Variants in STK17A observed in about 807,000 individuals in gnomAD.
STK17A encodes the protein serine/threonine-protein kinase 17A.
In STK17A, 26 loss-of-function variants were observed where a neutral mutation model predicts 43.7. The observed-to-expected ratio is 0.60, with a 90% CI of 0.44 to 0.83. The LOEUF is 0.83. STK17A is among the 40% of genes least tolerant of loss of function. The probability of loss-of-function intolerance (pLI) is 0.00; values close to 1 mark genes in which losing one functional copy is unlikely to be tolerated. For missense variants in STK17A, 476 were observed against 511.6 expected, an observed-to-expected ratio of 0.93 and a Z score of 0.67; for synonymous variants, 191 against 182.5, an observed-to-expected ratio of 1.05 and a Z score of -0.38.
intron 4 of STK17A, among the ~76,000 whole-genome samples, 176 bp downstream of exon 4, chr7:43,619,899 C>A (rs2083703383): frequency 6.6e-6 from 1 of 152,144 alleles, no homozygotes; most frequent in Admixed American, 6.5e-5. Context: ...GAGTAAGATA[C>A]CAAATTGGTG....
intron 2 of STK17A, among the ~76,000 whole-genome samples, chr7:43,606,313 A>T (rs2082588106): frequency 6.6e-6 from 1 of 152,190 alleles, no homozygotes; most frequent in African/African-American, 2.4e-5. Flanking sequence ...GCTACTTTAG[A>T]TAGAAAAAAC....
At chr7:43,615,157 A>G (rs187029179) in intron 3 of STK17A, among the ~76,000 whole-genome samples, 1 of 152,172 alleles carries the variant, frequency 6.6e-6, no homozygotes. Context: ...TGTGGTTACT[A>G]TAGTTTTTGT....
rs2084643876 is a variant in STK17A at position 43,627,138 on chromosome 7, A to G, written c.*2296A>G. 6.6e-6 allele frequency among the ~76,000 whole-genome samples: 1 copy of G among 152,228 alleles called. No homozygotes were observed. The stretch of plus-strand genomic sequence containing the variant: ...AATCCAGTTTTAACTATAATTCAAC[A>G]ATATTTTGGTGTGGTGAAACGTTGT... On this transcript the variant is annotated 3_prime_UTR_variant, in exon 7 of 7. Transcript: ENST00000319357.
chr7:43,583,468 C>A lies in STK17A; in HGVS notation c.206+19C>A. ...TGGGCAGGTGAGGACGGGCGGGGCC[C>A]GGCGCGGAACCTTCCCGGACGCGCG... On this transcript the variant is annotated intron_variant, in intron 1 of 6. Transcript: ENST00000319357. The A allele has an allele frequency of 7.8e-7, 1 of 1,282,414 alleles. No individual in the cohort carries two copies. The highest frequency in any genetic ancestry group is 9.8e-7 in the Non-Finnish European group (1 of 1,015,634). The allele number at this position is 1,282,414 out of a possible 1,614,324, so 79.4% of individuals were successfully genotyped here.
At chr7:43,587,300 G>A (rs1196842493) in intron 1 of STK17A, among the ~76,000 whole-genome samples, 9 of 150,576 alleles carry the variant, frequency 6.0e-5, no homozygotes, top group African/African-American at 1.9e-4. Context: ...GACTATAGGC[G>A]CCTGCCACCA....
chr7:43,623,799 G>A lies in STK17A; in HGVS notation c.831G>A (p.Gln277=), dbSNP rs747531818. ...DKQETFLNIS[Q]MNLSYSEEEF... is the part of the protein sequence containing the mutation. ...AAGAAACATTCTTAAACATCTCACA[G>A]ATGAATTTAAGTTATTCTGAGGAAG... Residue 277 remains glutamine, a synonymous_variant, in exon 6 of 7, where the codon CAG becomes CAA. Coordinates refer to ENST00000319357, the MANE Select transcript of STK17A (RefSeq NM_004760.3). 5 of 1,608,054 alleles carry A rather than the reference G, an allele frequency of 3.1e-6. No individual in the cohort carries two copies. In the Admixed American group the frequency reaches 6.8e-5, roughly 22 times the overall value.
At chr7:43,584,960 G>T (rs1487481267) in intron 1 of STK17A, among the ~76,000 whole-genome samples, 4 of 152,226 alleles carry the variant, frequency 2.6e-5, no homozygotes, top group African/African-American at 9.6e-5. Flanking sequence ...CCTTTGGGAG[G>T]CTGAGGCGGG....
At chr7:43,593,202 A>C (rs1027913938) in intron 1 of STK17A, among the ~76,000 whole-genome samples, 8 of 152,214 alleles carry the variant, frequency 5.3e-5, no homozygotes, top group Non-Finnish European at 7.3e-5. Flanking sequence ...GGATAATGAC[A>C]TCCAGTTCCA....
chr7:43,591,621 G>A (rs551259454), intron 1 of STK17A, among the ~76,000 whole-genome samples: 1 of 151,558 alleles, frequency 6.6e-6, no homozygotes, highest in Non-Finnish European at 1.5e-5. Flanking sequence ...AAGGAGAGCC[G>A]TGGGAACTGC....
intron 1 of STK17A, among the ~76,000 whole-genome samples, chr7:43,587,158 T>TG (rs1193130445): frequency 1.4e-5 from 2 of 141,598 alleles, no homozygotes; most frequent in East Asian, 2.0e-4. Flanking sequence ...TTTTTTGTTT[T>TG]TTTTTTTTTT....
chr7:43,610,794 T>C (rs908591195), intron 3 of STK17A, among the ~76,000 whole-genome samples: 1 of 152,032 alleles, frequency 6.6e-6, no homozygotes, highest in African/African-American at 2.4e-5. Flanking sequence ...AACTGCTTAA[T>C]TTTTATTGCA....
In STK17A at chr7:43,588,819, G is replaced by A. The variant is rs1442608142; in HGVS notation, c.206+5370G>A. Among the ~76,000 whole-genome samples, 2 of 151,254 alleles carry A rather than the reference G, an allele frequency of 1.3e-5. 1 individual carries two copies. Among genetic ancestry groups the A allele is most frequent in the Non-Finnish European group, 3.0e-5 (2 of 67,518 alleles). ...TGTACTCCAGCCTAGGTGACAGAGT[G>A]GGACTGTGTCTCAAAAAAAGAAAAA... On this transcript the variant is annotated intron_variant, in intron 1 of 6. Coordinates refer to ENST00000319357, the MANE Select transcript of STK17A (RefSeq NM_004760.3).
intron 3 of STK17A, among the ~76,000 whole-genome samples, chr7:43,611,272 G>A (rs1278379323): frequency 1.3e-5 from 2 of 152,152 alleles, no homozygotes; most frequent in Non-Finnish European, 2.9e-5. Flanking sequence ...GAAAAATACA[G>A]GGAAAAGAAA....
At position 43,624,827 on chromosome 7, in the gene STK17A, A is replaced by G; in HGVS notation, c.1230A>G (p.Gly410=). 1 of 1,602,102 alleles carries G rather than the reference A, an allele frequency of 6.2e-7. No individual in the cohort carries two copies. Among genetic ancestry groups the G allele is most frequent in the Non-Finnish European group, 8.5e-7 (1 of 1,173,994 alleles). ...AACCTTTGCTACAAGAAATTCCAGG[A>G]GAATTTATCTACTGAGCAATATTTC... is the stretch of plus-strand genomic sequence containing the variant. The part of the protein sequence containing the change: ...FEEPLLQEIP[G]EFIY Residue 410 remains glycine (G), a synonymous_variant, in exon 7 of 7, where the codon GGA becomes GGG. Transcript: ENST00000319357.
chr7:43,602,189 TAA>T (rs1453920403), intron 2 of STK17A, among the ~76,000 whole-genome samples: 4 of 152,202 alleles, frequency 2.6e-5, no homozygotes, highest in Non-Finnish European at 5.9e-5. Flanking sequence ...TGTTTTTTCC[TAA>T]GTTATGTAAC....
chr7:43,585,347 C>T (rs972651546), intron 1 of STK17A, among the ~76,000 whole-genome samples: 1 of 142,746 alleles, frequency 7.0e-6, no homozygotes, highest in African/African-American at 2.5e-5. Flanking sequence ...ATTTGCACCC[C>T]ACCAGGTGTT....
rs528453056 is a variant in STK17A at position 43,610,467 on chromosome 7, A to G, written c.564+2067A>G. 4.0e-5 allele frequency among the ~76,000 whole-genome samples: 6 copies of G among 151,894 alleles called. No homozygotes were observed. The South Asian group carries it at 1.2e-3, about 32-fold the overall frequency. On this transcript the variant is annotated intron_variant, in intron 3 of 6. Transcript: ENST00000319357. ...GATCACTTGAGGTCAGGAGTTCAAGACCAGCCTGGCCAACATGGTGAAATC... is the reference window on the plus strand; with the variant it reads ...GATCACTTGAGGTCAGGAGTTCAAGGCCAGCCTGGCCAACATGGTGAAATC...
rs187939803 is a variant in STK17A, at chr7:43,608,598, T to A, written c.564+198T>A. On this transcript the variant is annotated intron_variant, in intron 3 of 6. Coordinates refer to ENST00000319357, the MANE Select transcript of STK17A (RefSeq NM_004760.3). ...ATGCACACATGTGTACATGGAAAGA[T>A]ACAAAATAATACAATGCCAAAGAAA... is the stretch of plus-strand genomic sequence containing the variant. 12 of 458,616 alleles carry A rather than the reference T, an allele frequency of 2.6e-5. No individual in the cohort carries two copies. In the East Asian group the frequency reaches 4.0e-4, roughly 15 times the overall value. 28.4% of individuals were successfully genotyped at this position (458,616 alleles called of 1,614,324 possible).
chr7:43,615,547 A>G (rs1450307163), intron 3 of STK17A, among the ~76,000 whole-genome samples: 1 of 152,226 alleles, frequency 6.6e-6, no homozygotes, highest in Non-Finnish European at 1.5e-5. Context: ...GAGGACTCAT[A>G]GTCATGATGG....
Sources: allele counts gnomAD v4.1 joint callset (sites outside exome capture counted in the v4.1 genomes callset), GRCh38; gene constraint gnomAD v4.1.1; transcripts MANE v1.5; gene names NCBI Gene and HGNC (gene_info 2026-07-23, HGNC 2026-07-21).